COL9A1: variants seen among roughly 807,000 people sequenced by gnomAD.
The protein encoded by COL9A1 is collagen type IX alpha 1 chain.
In COL9A1, 104 loss-of-function variants were observed where a neutral mutation model predicts 142.6. That is an observed-to-expected ratio of 0.73 (90% CI 0.62 to 0.86). COL9A1 has a LOEUF of 0.86. Among genes scored for constraint, COL9A1 ranks in the 40% least tolerant of loss-of-function variants. The pLI, the probability that COL9A1 is intolerant of heterozygous loss-of-function variation, is 0.00. For missense variants in COL9A1, 1,210 were observed against 1,176.6 expected (o/e 1.03, Z -0.42); for synonymous variants, 466 against 396.0 (o/e 1.18, Z -2.10).
chr6:70,242,726 A>G lies in COL9A1; in HGVS notation c.1873-11T>C. On this transcript the variant is annotated splice_polypyrimidine_tract_variant and intron_variant, in intron 28 of 37. Coordinates refer to ENST00000357250, the MANE Select transcript of COL9A1 (RefSeq NM_001851.6). ...TTCTCCTCTACTGCCCTGTAAAAAC[A>G]CAAACATTGTCAATTGGATATTTTG... The G allele has an allele frequency of 6.2e-7, 1 of 1,613,606 alleles. No homozygotes were observed. Among genetic ancestry groups the G allele is most frequent in the South Asian group, 1.1e-5 (1 of 91,072 alleles).
At chr6:70,238,887 C>G (rs537167418) in intron 33 of COL9A1, among the ~76,000 whole-genome samples, 1 of 152,240 alleles carries the variant, frequency 6.6e-6, no homozygotes, top group East Asian at 1.9e-4. Context: ...ACCTGTAAAC[C>G]CAGCACTTTG....
chr6:70,291,738 C>G (rs572955745), intron 5 of COL9A1, among the ~76,000 whole-genome samples: 9 of 152,156 alleles, frequency 5.9e-5, no homozygotes, highest in Non-Finnish European at 1.2e-4. Flanking sequence ...AAATGCCTTT[C>G]GAAGTAAGAA....
intron 37 of COL9A1, among the ~76,000 whole-genome samples, chr6:70,218,779 A>G (rs939941750): frequency 2.0e-5 from 3 of 152,054 alleles, no homozygotes; most frequent in African/African-American, 7.2e-5. Flanking sequence ...TAGGTTAGAG[A>G]TCCTGCTTTA....
chr6:70,265,739 A>AT (rs1386020620), intron 18 of COL9A1, among the ~76,000 whole-genome samples: 6 of 152,148 alleles, frequency 3.9e-5, no homozygotes, highest in African/African-American at 1.4e-4. Context: ...AGCCTATGTA[A>AT]TAAGAGACTT....
chr6:70,245,218 C>T (rs1474180466), intron 28 of COL9A1, among the ~76,000 whole-genome samples: 1 of 152,200 alleles, frequency 6.6e-6, no homozygotes, highest in Admixed American at 6.5e-5. Flanking sequence ...CTTCTAAGAA[C>T]ATGCATACTC....
rs79704289 is a variant in COL9A1, at chr6:70,278,003, C to A, written c.975+2809G>T. Reference sequence around the variant, plus strand: ...TGCATTTCATTATTCTCAAAGATATCCATTCTCAATTTAGAATAAAAGATT... The same window carrying A: ...TGCATTTCATTATTCTCAAAGATATACATTCTCAATTTAGAATAAAAGATT... On this transcript the variant is annotated intron_variant, in intron 10 of 37. Coordinates refer to ENST00000357250, the MANE Select transcript of COL9A1 (RefSeq NM_001851.6). 2.9e-3 allele frequency among the ~76,000 whole-genome samples: 449 copies of A among 152,230 alleles called. 2 individuals carry two copies. Among genetic ancestry groups the A allele is most frequent in the African/African-American group, 0.01 (423 of 41,536 alleles).
Position 70,255,370 on chromosome 6 carries a change from T to C in COL9A1, c.1524A>G (p.Gly508=). The part of the protein sequence containing the change: ...PGAPGDQGQR[G]PPGEAGPKGD... ...CTTTGGGACCTGCTTCTCCTGGAGGTCCTCGCTGTCCTTGATCACCCTGTA... is the reference window on the plus strand; with the variant it reads ...CTTTGGGACCTGCTTCTCCTGGAGGCCCTCGCTGTCCTTGATCACCCTGTA... Residue 508 remains glycine, a synonymous_variant, in exon 22 of 38, where the codon GGA becomes GGG. Transcript: ENST00000357250. The C allele has an allele frequency of 1.2e-6, 2 of 1,614,086 alleles. No individual in the cohort carries two copies. Among genetic ancestry groups the C allele is most frequent in the Non-Finnish European group, 1.7e-6 (2 of 1,180,000 alleles).
chr6:70,254,035 C>T (rs927939045), intron 25 of COL9A1, among the ~76,000 whole-genome samples: 1 of 152,174 alleles, frequency 6.6e-6, no homozygotes, highest in Non-Finnish European at 1.5e-5. Context: ...CTTCCAGACA[C>T]ATTAATGCAG....
intron 5 of COL9A1, among the ~76,000 whole-genome samples, chr6:70,292,540 T>C (rs1172614490): frequency 6.6e-6 from 1 of 152,186 alleles, no homozygotes; most frequent in African/African-American, 2.4e-5. Context: ...TCTGACATTA[T>C]TGGCAAGGCT....
chr6:70,270,332 A>AG lies in COL9A1; in HGVS notation c.1178dup (p.Gly394TrpfsTer13), dbSNP rs1482734025. 3 of 1,613,728 alleles carry AG rather than the reference A, an allele frequency of 1.9e-6. No homozygotes were observed. Among genetic ancestry groups the AG allele is most frequent in the Non-Finnish European group, 1.7e-6 (2 of 1,179,736 alleles). On this transcript the variant is annotated frameshift_variant, in exon 15 of 38. Transcript: ENST00000357250. LOFTEE classifies it high-confidence loss of function. ...AACTTACTCTGGGTCCTGGGGGGCC[A>AG]GGGGGGCCAGGTGGTCCTCTTCTCC...
intron 5 of COL9A1, among the ~76,000 whole-genome samples, chr6:70,290,773 A>G (rs1583342923): frequency 6.6e-6 from 1 of 152,254 alleles, no homozygotes; most frequent in East Asian, 1.9e-4. Flanking sequence ...AAGAAAAGCA[A>G]GATTCGACTC....
intron 10 of COL9A1, chr6:70,279,806 A>C: frequency 2.2e-6 from 1 of 461,654 alleles, no homozygotes; most frequent in Non-Finnish European, 3.9e-6. Context: ...AAAATGAAGG[A>C]TATGTCTTAA....
At chr6:70,300,212 G>T in intron 3 of COL9A1, 37 bp from the exon 4 acceptor site, 2 of 1,612,490 alleles carry the variant, frequency 1.2e-6, no homozygotes, top group Non-Finnish European at 1.7e-6. Context: ...AGTCTAAAAT[G>T]AGATTGGTTT....
In COL9A1 at chr6:70,253,445, C is replaced by T; in HGVS notation, c.1720-16G>A. On this transcript the variant is annotated splice_polypyrimidine_tract_variant and intron_variant, in intron 25 of 37. Coordinates refer to ENST00000357250, the MANE Select transcript of COL9A1 (RefSeq NM_001851.6). ...CAGGTACACCCTAAAAGAATACATACACAATCCTAGTTTAATCACCTCCTC... is the reference window on the plus strand; with the variant it reads ...CAGGTACACCCTAAAAGAATACATATACAATCCTAGTTTAATCACCTCCTC... The T allele has an allele frequency of 1.3e-6, 2 of 1,594,926 alleles. No individual in the cohort carries two copies. Among genetic ancestry groups the T allele is most frequent in the Non-Finnish European group, 1.7e-6 (2 of 1,163,180 alleles).
At chr6:70,261,228 A>G (rs996873692) in intron 19 of COL9A1, 1 of 154,246 alleles carries the variant, frequency 6.5e-6, no homozygotes, top group African/African-American at 2.4e-5. Context: ...TCATTATACC[A>G]TTCTTATGAT....
intron 9 of COL9A1, 56 bp from the exon 10 acceptor site, chr6:70,280,930 C>A: frequency 6.2e-7 from 1 of 1,612,632 alleles, no homozygotes; most frequent in South Asian, 1.1e-5. Context: ...AAAGTTGAGA[C>A]CCTTCAGAAA....
At position 70,292,979 on chromosome 6, in the gene COL9A1, C is replaced by T. The variant is rs916594002; in HGVS notation, c.696+1188G>A. 3.3e-5 allele frequency among the ~76,000 whole-genome samples: 5 copies of T among 152,316 alleles called. No individual in the cohort carries two copies. The East Asian group carries it at 9.6e-4, about 29-fold the overall frequency. The stretch of plus-strand genomic sequence containing the variant: ...CAGTTACAAATTGCTTCCCGTCCAT[C>T]ACAGAATATAGAAATTTCACACTAC... On this transcript the variant is annotated intron_variant, in intron 5 of 37. Coordinates refer to ENST00000357250, the MANE Select transcript of COL9A1 (RefSeq NM_001851.6).
intron 17 of COL9A1, 107 bp from the exon 18 acceptor site, chr6:70,266,877 A>G: frequency 1.1e-6 from 1 of 902,750 alleles, no homozygotes; most frequent in Non-Finnish European, 1.9e-6. Context: ...TATTACTAAG[A>G]AATGAGTTAT....
chr6:70,296,214 C>T (rs1490766193), intron 4 of COL9A1, among the ~76,000 whole-genome samples: 2 of 152,096 alleles, frequency 1.3e-5, no homozygotes, highest in African/African-American at 2.4e-5. Context: ...GTTAACTTTT[C>T]ATCTGAATAC....
Sources: gnomAD v4.1 joint callset for allele counts (sites outside exome capture counted in the v4.1 genomes callset) on GRCh38, gnomAD v4.1.1 for gene constraint, MANE v1.5 for transcripts, NCBI Gene and HGNC (gene_info 2026-07-23, HGNC 2026-07-21) for gene names.